The following ECE1 variants were observed in gnomAD, a reference collection of about 807,000 sequenced individuals.
ECE1 encodes the protein endothelin-converting enzyme 1.
In ECE1, 35 loss-of-function variants were observed where a neutral mutation model predicts 98.6. That is an observed-to-expected ratio of 0.35 (90% CI 0.27 to 0.47). The LOEUF is 0.47. ECE1 is among the 20% of genes least tolerant of loss of function. The probability of loss-of-function intolerance (pLI) is 1.00; values close to 1 mark genes in which losing one functional copy is unlikely to be tolerated. For synonymous variants in ECE1, 394 were observed against 407.1 expected, an observed-to-expected ratio of 0.97 and a Z score of 0.39; for missense variants, 814 against 1,025.3, an observed-to-expected ratio of 0.79 and a Z score of 2.81.
intron 2 of ECE1, among the ~76,000 whole-genome samples, chr1:21,289,436 C>G (rs28367917): frequency 1.3e-3 from 202 of 152,256 alleles, no homozygotes; most frequent in African/African-American, 4.5e-3. Context: ...GGGGCCCTCC[C>G]CAGGAGTGGG....
intron 2 of ECE1, among the ~76,000 whole-genome samples, chr1:21,288,219 G>C (rs2098262718): frequency 6.6e-6 from 1 of 152,174 alleles, no homozygotes; most frequent in East Asian, 1.9e-4. Flanking sequence ...TCCAACCATA[G>C]ACAACAGCGA....
In ECE1 at chr1:21,235,852, C is replaced by G; in HGVS notation, c.1564G>C (p.Asp522His). The change falls in exon 13 of 19, where the codon GAC (aspartate) becomes CAC (histidine). Residue 522 changes from aspartate to histidine, a missense_variant and splice_region_variant. Around this residue, in one of 3 missense-constraint regions of ECE1, gnomAD observed 452 missense variants for 567.3 expected, o/e 0.80. Transcript: ENST00000374893. This position sits in a 1 kb window ranked among gnomAD's most constrained non-coding sequence, Gnocchi z 4.2. ...DPKELDKVFNDYTAVPDLYFE... is the reference protein window; with the variant it reads ...DPKELDKVFNHYTAVPDLYFE... ...GGGGCAGGGCAGCAGCTACTCACGT[C>G]ATTAAACACTTTGTCCAGCTCCTTG... 6.2e-7 allele frequency: 1 copy of G among 1,614,210 alleles called. No homozygotes were observed. The highest frequency in any genetic ancestry group is 8.5e-7 in the Non-Finnish European group (1 of 1,180,024).
chr1:21,258,510 C>T lies in ECE1; in HGVS notation c.762+183G>A, dbSNP rs928272269. The stretch of plus-strand genomic sequence containing the variant: ...TTCACCTGTATGCAGTGCCCATCTA[C>T]GCAAGGCCAGCAGCCTGCAAAGATC... On this transcript the variant is annotated intron_variant, in intron 6 of 18. Transcript: ENST00000374893. This position sits in a 1 kb window ranked among gnomAD's most constrained non-coding sequence, Gnocchi z 4.2. Among the ~76,000 whole-genome samples, 2 of 152,204 alleles carry T rather than the reference C, an allele frequency of 1.3e-5. No individual in the cohort carries two copies. The highest frequency in any genetic ancestry group is 1.9e-4 in the East Asian group (1 of 5,188).
At chr1:21,290,516 C>G (rs986973432), upstream of ECE1, 4 of 1,205,834 alleles carry the variant, frequency 3.3e-6, no homozygotes, top group African/African-American at 6.3e-5. The surrounding 1 kb of genome is among the most constrained non-coding windows in gnomAD (Gnocchi z 7.3). Context: ...ATCGGTTCGC[C>G]GGCGCCCGGT....
intron 1 of ECE1, chr1:21,299,799 AT>A (rs1409486853): frequency 6.6e-6 from 1 of 152,232 alleles, no homozygotes; most frequent in Non-Finnish European, 1.5e-5. Flanking sequence ...TATTATTGTC[AT>A]TTATGGGGAA....
chr1:21,335,825 A>G (rs1302608841), intron 1 of ECE1, among the ~76,000 whole-genome samples: 1 of 152,202 alleles, frequency 6.6e-6, no homozygotes, highest in Non-Finnish European at 1.5e-5. Context: ...GGAGCTGGGA[A>G]GCTTCGACCC....
intron 1 of ECE1, among the ~76,000 whole-genome samples, chr1:21,316,264 T>TTTTG (rs764600133): frequency 6.4e-4 from 97 of 152,250 alleles, no homozygotes; most frequent in Non-Finnish European, 1.0e-3. Flanking sequence ...GATTCTAGTT[T>TTTTG]TTTGTTTGTT....
At chr1:21,309,332 A>C (rs1159942785) in intron 1 of ECE1, among the ~76,000 whole-genome samples, 1 of 152,204 alleles carries the variant, frequency 6.6e-6, no homozygotes, top group Non-Finnish European at 1.5e-5. Context: ...TGTGACCTTG[A>C]GTGAGTTACT....
At chr1:21,263,070 A>T (rs2098229142) in intron 4 of ECE1, among the ~76,000 whole-genome samples, 1 of 152,196 alleles carries the variant, frequency 6.6e-6, no homozygotes, top group Non-Finnish European at 1.5e-5. Context: ...GGAGGAGACC[A>T]GGGAAGCCAA....
At chr1:21,265,231 G>A (rs1297451520) in intron 4 of ECE1, among the ~76,000 whole-genome samples, 1 of 152,160 alleles carries the variant, frequency 6.6e-6, no homozygotes, top group Non-Finnish European at 1.5e-5. Flanking sequence ...TCTAGCCTGC[G>A]GGAGGTGACT....
rs1341013073 is a variant in ECE1, at chr1:21,236,385, T to TATA, written c.1488+360_1488+361insTAT. On this transcript the variant is annotated intron_variant, in intron 12 of 18. Transcript: ENST00000374893. Reference sequence around the variant, plus strand: ...ACTGGCCTCACCGGGCGCGGTGGCTTATGCCTATAATGCCAGCGCTTTGGC... The same window carrying TATA: ...ACTGGCCTCACCGGGCGCGGTGGCTTATAATGCCTATAATGCCAGCGCTTTGGC... 3.3e-4 allele frequency among the ~76,000 whole-genome samples: 51 copies of TATA among 152,360 alleles called. No individual in the cohort carries two copies. In the East Asian group the frequency reaches 9.5e-3, roughly 28 times the overall value.
intron 4 of ECE1, among the ~76,000 whole-genome samples, chr1:21,263,368 T>TA (rs2098229619): frequency 6.6e-6 from 1 of 151,524 alleles, no homozygotes; most frequent in African/African-American, 2.4e-5. Flanking sequence ...TTTATTTTTT[T>TA]TTTTTTTGAG....
Position 21,260,138 on chromosome 1 carries a change from TTCTG to T in ECE1, c.615+129_615+132del, listed in dbSNP as rs1029339157. On this transcript the variant is annotated intron_variant, in intron 5 of 18. Coordinates refer to ENST00000374893, the MANE Select transcript of ECE1 (RefSeq NM_001397.3). This position sits in a 1 kb window ranked among gnomAD's most constrained non-coding sequence, Gnocchi z 4.3. Reference sequence around the variant, plus strand: ...GCTCTCGCACACTCGCTCTCTCTCTTTCTGTCTTTCTCTTGGTGCTACCGGCTGG... The same window carrying T: ...GCTCTCGCACACTCGCTCTCTCTCTTTCTTTCTCTTGGTGCTACCGGCTGG... 2.0e-4 allele frequency: 275 copies of T among 1,366,834 alleles called. 3 individuals carry two copies. Among genetic ancestry groups the T allele is most frequent in the South Asian group, 1.4e-3 (115 of 85,010 alleles). The allele number at this position is 1,366,834 out of a possible 1,614,324, so 84.7% of individuals were successfully genotyped here.
At chr1:21,274,211 T>C (rs2098243871) in intron 3 of ECE1, among the ~76,000 whole-genome samples, 1 of 152,170 alleles carries the variant, frequency 6.6e-6, no homozygotes. Context: ...GGCGGAGAGC[T>C]GAGAGCTGGG....
At chr1:21,269,652 G>A (rs1346038909) in intron 4 of ECE1, among the ~76,000 whole-genome samples, 2 of 152,230 alleles carry the variant, frequency 1.3e-5, no homozygotes, top group South Asian at 4.1e-4. Context: ...TGCCAGGCTA[G>A]TATTCCGATG....
intron 4 of ECE1, among the ~76,000 whole-genome samples, chr1:21,261,930 G>A (rs1044161723): frequency 6.6e-6 from 1 of 152,218 alleles, no homozygotes; most frequent in African/African-American, 2.4e-5. Flanking sequence ...CAGGCGGACT[G>A]CTTGGAGAAA....
chr1:21,256,113 A>G lies in ECE1; in HGVS notation c.854T>C (p.Met285Thr), dbSNP rs1393996574. 1.2e-6 allele frequency: 2 copies of G among 1,605,292 alleles called. No homozygotes were observed. The highest frequency in any genetic ancestry group is 1.1e-5 in the South Asian group (1 of 90,904). Reference protein sequence around the residue: ...EKVLTGYLNYMVQLGKLLGGG... With the variant: ...EKVLTGYLNYTVQLGKLLGGG... The stretch of plus-strand genomic sequence containing the variant: ...GCCCAGCAGCTTCCCCAGCTGGACC[A>G]TGTAGTTCAGATATCCGGTCAGCAC... Residue 285 changes from methionine to threonine, a missense_variant, in exon 8 of 19, where the codon ATG (methionine) becomes ACG (threonine). By Grantham distance (81) the Met-to-Thr change is moderately conservative. This residue lies in a region of ECE1 where 105 missense variants were observed against 179.1 expected (regional missense o/e 0.59). Coordinates refer to ENST00000374893, the MANE Select transcript of ECE1 (RefSeq NM_001397.3).
chr1:21,290,528 C>G, upstream of ECE1: 1 of 1,199,414 alleles, frequency 8.3e-7, no homozygotes, highest in Non-Finnish European at 1.0e-6. This position sits in a 1 kb window ranked among gnomAD's most constrained non-coding sequence, Gnocchi z 7.3. Flanking sequence ...GCGCCCGGTT[C>G]CCAACCTCCG....
intron 1 of ECE1, chr1:21,299,494 A>T (rs1181531739): frequency 1.3e-5 from 2 of 152,852 alleles, no homozygotes; most frequent in Middle Eastern, 3.4e-3. Flanking sequence ...AAGGAACAGG[A>T]ATAGGGCTGG....
Sources: allele counts gnomAD v4.1 joint callset (sites outside exome capture counted in the v4.1 genomes callset), GRCh38; gene constraint gnomAD v4.1.1; regional missense constraint gnomAD v4.1.1; non-coding constraint Gnocchi (gnomAD v3.1); transcripts MANE v1.5; gene names NCBI Gene and HGNC (gene_info 2026-07-23, HGNC 2026-07-21).